DNAJC13: variants seen among roughly 807,000 people sequenced by gnomAD.
DNAJC13 encodes DnaJ heat shock protein family (Hsp40) member C13, also known as dnaJ homolog subfamily C member 13.
DNAJC13 carries 75 observed loss-of-function variants against 290.5 expected under a neutral mutation model. That is an observed-to-expected ratio of 0.26 (90% confidence interval 0.21 to 0.31). The LOEUF is 0.31. DNAJC13 is among the 10% of genes least tolerant of loss of function. The pLI, the probability that DNAJC13 is intolerant of heterozygous loss-of-function variation, is 1.00. For missense variants in DNAJC13, 2,260 were observed against 2,674.5 expected (o/e 0.85, Z 3.42); for synonymous variants, 862 against 892.0 (o/e 0.97, Z 0.60).
In DNAJC13 at chr3:132,483,359, G is replaced by A; in HGVS notation, c.2980-16G>A. The A allele has an allele frequency of 6.2e-7, 1 of 1,609,438 alleles. No individual in the cohort carries two copies. Among genetic ancestry groups the A allele is most frequent in the Non-Finnish European group, 8.5e-7 (1 of 1,175,934 alleles). On this transcript the variant is annotated splice_polypyrimidine_tract_variant and intron_variant, in intron 27 of 55. Coordinates refer to ENST00000260818, the MANE Select transcript of DNAJC13 (RefSeq NM_015268.4). ...TTTTATTTTGTCTGTTTGTAATAAT[G>A]CCTTCCATCCATTAGATGCAAGAAT...
At chr3:132,420,387 G>A (rs1464959205) in intron 1 of DNAJC13, among the ~76,000 whole-genome samples, 2 of 152,168 alleles carry the variant, frequency 1.3e-5, no homozygotes, top group Admixed American at 6.5e-5. Flanking sequence ...TGAACATTCA[G>A]GGGGTAGATG....
intron 42 of DNAJC13, among the ~76,000 whole-genome samples, chr3:132,506,846 G>A (rs546222709): frequency 4.6e-5 from 7 of 152,104 alleles, no homozygotes; most frequent in Admixed American, 2.0e-4. Context: ...CACCGTGCCC[G>A]GCCTAGTGTA....
chr3:132,512,222 A>T lies in DNAJC13; in HGVS notation c.5294-786A>T, dbSNP rs115846893. ...TGCAGAAATCCTTCTGATAATATCCATCAAGTTTATTAGAATTAACTCTCT... is the reference window on the plus strand; with the variant it reads ...TGCAGAAATCCTTCTGATAATATCCTTCAAGTTTATTAGAATTAACTCTCT... On this transcript the variant is annotated intron_variant, in intron 44 of 55. Coordinates refer to ENST00000260818, the MANE Select transcript of DNAJC13 (RefSeq NM_015268.4). 6.3e-3 allele frequency among the ~76,000 whole-genome samples: 954 copies of T among 152,302 alleles called. 8 individuals are homozygous for T. The highest frequency in any genetic ancestry group is 0.022 in the African/African-American group (900 of 41,556).
In DNAJC13 at chr3:132,524,719, C is replaced by T. The variant is rs540150749; in HGVS notation, c.6061-891C>T. ...GCTTGGAAAATGCAGTCCTCAAAAG[C>T]TAAAACTTAGGGAAAGCACATAGCA... is the stretch of plus-strand genomic sequence containing the variant. On this transcript the variant is annotated intron_variant, in intron 51 of 55. Transcript: ENST00000260818. 7.2e-5 allele frequency among the ~76,000 whole-genome samples: 11 copies of T among 152,316 alleles called. No individual in the cohort carries two copies. In the East Asian group the frequency reaches 2.1e-3, roughly 29 times the overall value.
chr3:132,522,208 G>T (rs893154578), intron 48 of DNAJC13, among the ~76,000 whole-genome samples: 1 of 152,112 alleles, frequency 6.6e-6, no homozygotes. Flanking sequence ...TAAACGTGAC[G>T]ATCTGAAGGA....
chr3:132,426,375 G>A (rs898988325), intron 1 of DNAJC13, among the ~76,000 whole-genome samples: 1 of 152,190 alleles, frequency 6.6e-6, no homozygotes. Context: ...TTGAGAATTT[G>A]AAATATGGAA....
At chr3:132,535,666 A>C (rs1219607874) in intron 55 of DNAJC13, among the ~76,000 whole-genome samples, 1 of 152,174 alleles carries the variant, frequency 6.6e-6, no homozygotes, top group Non-Finnish European at 1.5e-5. Flanking sequence ...TCACATATAC[A>C]TTTCATCGTG....
At chr3:132,532,703 A>G (rs1398220373) in intron 55 of DNAJC13, among the ~76,000 whole-genome samples, 2 of 123,064 alleles carry the variant, frequency 1.6e-5, no homozygotes, top group Non-Finnish European at 3.2e-5. Flanking sequence ...TTGTATAAGG[A>G]TGGTATGATT....
In DNAJC13 at chr3:132,538,855, G is replaced by A. The variant is rs749029902; in HGVS notation, c.*573G>A. ...CCAAATTGAATGAAAAGGAGCTTGT[G>A]CAAAAAAATTTAAAAATGGATGTCA... On this transcript the variant is annotated 3_prime_UTR_variant, in exon 56 of 56. Coordinates refer to ENST00000260818, the MANE Select transcript of DNAJC13 (RefSeq NM_015268.4). 2 of 152,268 alleles carry A rather than the reference G, an allele frequency of 1.3e-5. No individual in the cohort carries two copies. The highest frequency in any genetic ancestry group is 4.2e-4 in the South Asian group (2 of 4,818). 9.4% of individuals were successfully genotyped at this position (152,268 alleles called of 1,614,324 possible).
chr3:132,462,354 T>C, intron 15 of DNAJC13, 113 bp from the exon 16 acceptor site: 2 of 952,906 alleles, frequency 2.1e-6, no homozygotes, highest in Non-Finnish European at 3.1e-6. Flanking sequence ...CTTTACTAAT[T>C]TTGTGGCTTA....
chr3:132,434,988 G>A (rs1052663603), intron 2 of DNAJC13, among the ~76,000 whole-genome samples: 4 of 152,124 alleles, frequency 2.6e-5, no homozygotes, highest in African/African-American at 7.2e-5. Flanking sequence ...TTTCATATCC[G>A]TTTGACTGTC....
rs542546951 is a variant in DNAJC13, at chr3:132,472,177, A to T, written c.2209-968A>T. On this transcript the variant is annotated intron_variant, in intron 20 of 55. Coordinates refer to ENST00000260818, the MANE Select transcript of DNAJC13 (RefSeq NM_015268.4). Reference sequence around the variant, plus strand: ...GGCAGGGAGGTTGCAGTGAGCCGAGATGGCAGCAGTACAGTCCAGCTTCGG... The same window carrying T: ...GGCAGGGAGGTTGCAGTGAGCCGAGTTGGCAGCAGTACAGTCCAGCTTCGG... Among the ~76,000 whole-genome samples, 7 of 151,498 alleles carry T rather than the reference A, an allele frequency of 4.6e-5. No individual in the cohort carries two copies. The East Asian group carries it at 1.4e-3, about 30-fold the overall frequency.
intron 20 of DNAJC13, among the ~76,000 whole-genome samples, chr3:132,468,299 T>C (rs528960423): frequency 1.3e-5 from 2 of 152,230 alleles, no homozygotes; most frequent in African/African-American, 2.4e-5. Flanking sequence ...TCCTTACTTA[T>C]GGTAGCTATT....
intron 2 of DNAJC13, among the ~76,000 whole-genome samples, chr3:132,445,881 GT>G (rs908736610): frequency 3.9e-5 from 6 of 151,964 alleles, no homozygotes; most frequent in African/African-American, 7.2e-5. Context: ...ATACCCAAAT[GT>G]TTTTTCTCCT....
chr3:132,516,808 G>A lies in DNAJC13; in HGVS notation c.5665G>A (p.Gly1889Ser). 1.2e-6 allele frequency: 2 copies of A among 1,611,036 alleles called. No homozygotes were observed. The highest frequency in any genetic ancestry group is 1.7e-6 in the Non-Finnish European group (2 of 1,178,406). The stretch of plus-strand genomic sequence containing the variant: ...CAAAATGACAGCAGATAAACTGATA[G>A]GTCCAAAGGTAGGCACAAAATAAGT... Reference protein sequence around the residue: ...FAKMTADKLIGPKVRITLMKF... With the variant: ...FAKMTADKLISPKVRITLMKF... Residue 1889 changes from glycine to serine, a missense_variant, in exon 48 of 56, where the codon GGT (glycine) becomes AGT (serine). This residue lies in a region of DNAJC13 where 1,494 missense variants were observed against 1,693.7 expected (regional missense o/e 0.88). Coordinates refer to ENST00000260818, the MANE Select transcript of DNAJC13 (RefSeq NM_015268.4).
intron 22 of DNAJC13, among the ~76,000 whole-genome samples, chr3:132,475,775 G>C (rs1002495113): frequency 6.6e-6 from 1 of 151,866 alleles, no homozygotes; most frequent in Non-Finnish European, 1.5e-5. Flanking sequence ...CTTTTTCACT[G>C]TCTACCACTT....
intron 2 of DNAJC13, among the ~76,000 whole-genome samples, chr3:132,439,015 G>C (rs1330337107): frequency 6.6e-6 from 1 of 152,198 alleles, no homozygotes; most frequent in Admixed American, 6.5e-5. Context: ...CAGATTCACT[G>C]TGGAAAAACT....
intron 1 of DNAJC13, among the ~76,000 whole-genome samples, chr3:132,428,152 AATT>A (rs1341778544): frequency 6.6e-6 from 1 of 152,180 alleles, no homozygotes; most frequent in African/African-American, 2.4e-5. Flanking sequence ...CTCATTTGCC[AATT>A]ATTATCTTGA....
chr3:132,499,094 G>A (rs753714357), intron 36 of DNAJC13, 32 bp from the exon 37 acceptor site: 5 of 1,505,070 alleles, frequency 3.3e-6, no homozygotes, highest in South Asian at 2.6e-5. Flanking sequence ...ATTTTGTTTT[G>A]TTTTTCTAAC....
Sources: gnomAD v4.1 joint callset for allele counts (sites outside exome capture counted in the v4.1 genomes callset) on GRCh38, gnomAD v4.1.1 for gene constraint, gnomAD v4.1.1 regional missense constraint, MANE v1.5 for transcripts, NCBI Gene and HGNC (gene_info 2026-07-23, HGNC 2026-07-21) for gene names.